TBC1D4: variants seen among roughly 807,000 people sequenced by gnomAD.
TBC1D4 encodes TBC1 domain family member 4, also known as TBC (Tre-2, BUB2, CDC16) domain-containing protein.
Under a neutral mutation model 142.5 loss-of-function variants are expected in TBC1D4, and 121 were observed. That is an observed-to-expected ratio of 0.85 (90% CI 0.73 to 0.99). The LOEUF (loss-of-function observed/expected upper bound fraction) is 0.99. Ranked by LOEUF, TBC1D4 falls within the 50% of genes least tolerant of loss-of-function variation. The pLI, the probability that TBC1D4 is intolerant of heterozygous loss-of-function variation, is 0.00. For missense variants in TBC1D4, 1,475 were observed against 1,606.6 expected (o/e 0.92, Z 1.40); for synonymous variants, 630 against 628.2 (o/e 1.00, Z -0.04).
intron 1 of TBC1D4, among the ~76,000 whole-genome samples, chr13:75,367,242 A>T (rs1399028868): frequency 6.6e-6 from 1 of 152,224 alleles, no homozygotes; most frequent in Non-Finnish European, 1.5e-5. Context: ...TATACTGTTT[A>T]AATAATCACA....
chr13:75,477,902 G>C (rs929867175), intron 1 of TBC1D4, among the ~76,000 whole-genome samples: 4 of 152,212 alleles, frequency 2.6e-5, no homozygotes, highest in African/African-American at 9.6e-5. Context: ...GGCTTGACTA[G>C]AGACAGATCT....
chr13:75,442,653 C>T (rs571555415), intron 1 of TBC1D4, among the ~76,000 whole-genome samples: 4 of 152,046 alleles, frequency 2.6e-5, no homozygotes, highest in African/African-American at 7.2e-5. Flanking sequence ...GTGGTGCACA[C>T]CTGTAATCCC....
chr13:75,289,711 A>G lies in TBC1D4; in HGVS notation c.3487-601T>C, dbSNP rs569915270. On this transcript the variant is annotated intron_variant, in intron 19 of 20. Coordinates refer to ENST00000377636, the MANE Select transcript of TBC1D4 (RefSeq NM_014832.5). ...ACACAGAGAATCCTCAAAATTGCAC[A>G]CTGTGAGCACTGTCCAGGGCTGTAA... 9.8e-5 allele frequency among the ~76,000 whole-genome samples: 15 copies of G among 152,286 alleles called. No individual in the cohort carries two copies. In the South Asian group the frequency reaches 3.1e-3, roughly 32 times the overall value.
chr13:75,293,900 C>T (rs116064720), intron 18 of TBC1D4, among the ~76,000 whole-genome samples: 3,283 of 152,218 alleles, frequency 0.022, 135 homozygotes, highest in African/African-American at 0.073. Flanking sequence ...TTTTCAAACA[C>T]TGGCAATGAC....
At chr13:75,328,850 G>C (rs1357993944) in intron 8 of TBC1D4, among the ~76,000 whole-genome samples, 1 of 152,130 alleles carries the variant, frequency 6.6e-6, no homozygotes, top group East Asian at 1.9e-4. Flanking sequence ...TTTAATCAAA[G>C]TAATATCAGC....
chr13:75,467,960 T>A (rs910986994), intron 1 of TBC1D4, among the ~76,000 whole-genome samples: 1 of 152,202 alleles, frequency 6.6e-6, no homozygotes, highest in African/African-American at 2.4e-5. Flanking sequence ...GGCCACAGTT[T>A]TTTTTCTTAC....
chr13:75,378,303 C>A (rs1166798544), intron 1 of TBC1D4, among the ~76,000 whole-genome samples: 1 of 152,050 alleles, frequency 6.6e-6, no homozygotes, highest in Non-Finnish European at 1.5e-5. Flanking sequence ...AAATGATCAG[C>A]TTTTGAAAAA....
intron 1 of TBC1D4, among the ~76,000 whole-genome samples, chr13:75,369,681 A>T (rs549636713): frequency 3.3e-4 from 50 of 152,364 alleles, no homozygotes; most frequent in South Asian, 2.1e-3. Context: ...CAGGTTTTTC[A>T]TATGCAAAAT....
intron 1 of TBC1D4, among the ~76,000 whole-genome samples, chr13:75,409,063 A>T (rs369958531): frequency 7.2e-6 from 1 of 138,034 alleles, no homozygotes; most frequent in Non-Finnish European, 1.6e-5. Flanking sequence ...ACACACTCAC[A>T]TACATACATA....
intron 18 of TBC1D4, among the ~76,000 whole-genome samples, chr13:75,293,316 A>G (rs919740705): frequency 6.6e-6 from 1 of 152,222 alleles, no homozygotes; most frequent in Non-Finnish European, 1.5e-5. Context: ...CTTCTTGCTC[A>G]TGCATCTTTC....
chr13:75,305,850 G>A (rs2137908881), intron 15 of TBC1D4, among the ~76,000 whole-genome samples: 1 of 152,148 alleles, frequency 6.6e-6, no homozygotes, highest in South Asian at 2.1e-4. Context: ...CTAAATAAAA[G>A]CAACTTCTCC....
intron 1 of TBC1D4, among the ~76,000 whole-genome samples, chr13:75,363,166 T>C (rs960246717): frequency 1.3e-5 from 2 of 152,150 alleles, no homozygotes; most frequent in African/African-American, 2.4e-5. Context: ...CACAGACATA[T>C]AAAATGACAC....
rs898137808 is a variant in TBC1D4 at position 75,324,333 on chromosome 13, G to T, written c.2102C>A (p.Thr701Asn). ...NSSSSLPSLH[T>N]SFSAPSFTAP... ...AGTGAAGGAAGGGGCAGAGAAGGAA[G>T]TGTGAAGACTTGGAAGACTGGAGGA... Residue 701 changes from threonine (T) to asparagine (N), a missense_variant, in exon 11 of 21, where the codon ACT becomes AAT. Thr to Asn is a moderately conservative substitution (Grantham distance 65). This residue lies in a region of TBC1D4 where 1,227 missense variants were observed against 1,267.7 expected (regional missense o/e 0.97). Coordinates refer to ENST00000377636, the MANE Select transcript of TBC1D4 (RefSeq NM_014832.5). The T allele has an allele frequency of 6.2e-7, 1 of 1,613,918 alleles. No homozygotes were observed. The highest frequency in any genetic ancestry group is 1.3e-5 in the African/African-American group (1 of 74,934).
intron 1 of TBC1D4, among the ~76,000 whole-genome samples, chr13:75,399,568 A>G (rs1231803894): frequency 6.6e-6 from 1 of 152,192 alleles, no homozygotes; most frequent in Non-Finnish European, 1.5e-5. Context: ...AATGAATGCA[A>G]TTCTGGTATC....
chr13:75,298,866 T>G (rs113244627), intron 17 of TBC1D4, among the ~76,000 whole-genome samples: 3,133 of 152,234 alleles, frequency 0.021, 122 homozygotes, highest in African/African-American at 0.07. Context: ...GGAGGGGAGA[T>G]ATCAATGATA....
At chr13:75,304,962 G>C (rs1877017367) in intron 15 of TBC1D4, among the ~76,000 whole-genome samples, 1 of 152,148 alleles carries the variant, frequency 6.6e-6, no homozygotes, top group South Asian at 2.1e-4. Flanking sequence ...GGTATGGTTT[G>C]GCTGTGTCCC....
intron 1 of TBC1D4, among the ~76,000 whole-genome samples, chr13:75,384,693 T>C (rs950689986): frequency 7.9e-5 from 12 of 152,124 alleles, no homozygotes; most frequent in Admixed American, 7.8e-4. Flanking sequence ...ATGGTTTTCT[T>C]ATGATTAATC....
intron 1 of TBC1D4, among the ~76,000 whole-genome samples, chr13:75,371,463 G>C (rs1189445023): frequency 6.6e-6 from 1 of 152,214 alleles, no homozygotes; most frequent in Non-Finnish European, 1.5e-5. Context: ...AGGCAGATGG[G>C]TGATGGGAGT....
intron 1 of TBC1D4, among the ~76,000 whole-genome samples, chr13:75,387,713 T>A (rs969767497): frequency 2.0e-5 from 3 of 152,240 alleles, no homozygotes; most frequent in African/African-American, 7.2e-5. Flanking sequence ...ATCACTTTGT[T>A]CATTTTCAAG....
Sources: gnomAD v4.1 joint callset for allele counts (sites outside exome capture counted in the v4.1 genomes callset) on GRCh38, gnomAD v4.1.1 for gene constraint, gnomAD v4.1.1 regional missense constraint, MANE v1.5 for transcripts, NCBI Gene and HGNC (gene_info 2026-07-23, HGNC 2026-07-21) for gene names.